Variants in FBXW12 observed in about 807,000 individuals in gnomAD.
FBXW12 encodes F-box/WD repeat-containing protein 12.
In FBXW12, 43 loss-of-function variants were observed where a neutral mutation model predicts 55.3. That is an observed-to-expected ratio of 0.78 (90% CI 0.61 to 1.00). The LOEUF is 1.00. Ranked by LOEUF, FBXW12 falls within the 50% of genes least tolerant of loss-of-function variation. The pLI, the probability that FBXW12 is intolerant of heterozygous loss-of-function variation, is 0.00. For missense variants in FBXW12, 524 were observed against 560.5 expected (o/e 0.93, Z 0.66); for synonymous variants, 184 against 203.8 (o/e 0.90, Z 0.83).
At position 48,378,409 on chromosome 3, in the gene FBXW12, GA is replaced by G. The variant is rs767006036; in HGVS notation, c.505del (p.Thr169LeufsTer36). 20 of 1,613,750 alleles carry G rather than the reference GA, an allele frequency of 1.2e-5. No individual in the cohort carries two copies. The highest frequency in any genetic ancestry group is 1.7e-5 in the Admixed American group (1 of 59,954). On this transcript the variant is annotated frameshift_variant, in exon 6 of 11. Coordinates refer to ENST00000296438, the MANE Select transcript of FBXW12 (RefSeq NM_207102.2). LOFTEE classifies it high-confidence loss of function. ...TGCATCTCGCCATCACTATGGATCG[GA>G]AAAAAACTATCAAAGTGTGGAACTG... ...QMHLAITMDR[K>X]KTIKVWNCQD...
Position 48,375,431 on chromosome 3 carries a change from G to C in FBXW12, c.364G>C (p.Val122Leu). The change falls in exon 5 of 11, where the codon GTA becomes CTA. Residue 122 changes from valine (V) to leucine (L), a missense_variant. Coordinates refer to ENST00000296438, the MANE Select transcript of FBXW12 (RefSeq NM_207102.2). ...DEQEKSIICSVSPKQELCAWD... is the reference protein window; with the variant it reads ...DEQEKSIICSLSPKQELCAWD... ...ACAGGAGAAATCAATCATTTGTAGT[G>C]TATCTCCAAAGCAAGAGCTTTGTGC... 1 of 1,611,904 alleles carries C rather than the reference G, an allele frequency of 6.2e-7. No homozygotes were observed. The highest frequency in any genetic ancestry group is 8.5e-7 in the Non-Finnish European group (1 of 1,179,324).
At chr3:48,383,951 G>GA (rs2036812031) in intron 10 of FBXW12, among the ~76,000 whole-genome samples, 1 of 152,134 alleles carries the variant, frequency 6.6e-6, no homozygotes, top group Non-Finnish European at 1.5e-5. Context: ...ACACTACATT[G>GA]AAAATGTAAC....
Position 48,373,563 on chromosome 3 carries a change from G to T in FBXW12, c.144G>T (p.Gln48His), listed in dbSNP as rs199748593. The change falls in exon 4 of 11, where the codon CAG becomes CAT. Residue 48 changes from glutamine (Q) to histidine (H), a missense_variant. By Grantham distance (24) the Gln-to-His change is conservative (BLOSUM62 0). Coordinates refer to ENST00000296438, the MANE Select transcript of FBXW12 (RefSeq NM_207102.2). ...CTGTTTCCAGGTCACTATCTCTGCA[G>T]AGATGGGACTGCAGCAACTTCACCA... is the stretch of plus-strand genomic sequence containing the variant. ...SDYLWRSLSL[Q>H]RWDCSNFTNQ... is the part of the protein sequence containing the mutation. 191 of 1,613,986 alleles carry T rather than the reference G, an allele frequency of 1.2e-4. No individual in the cohort carries two copies. Among genetic ancestry groups the T allele is most frequent in the Non-Finnish European group, 1.6e-4 (186 of 1,179,976 alleles).
At chr3:48,392,234 C>T (rs756378474) in intron 10 of FBXW12, among the ~76,000 whole-genome samples, 8 of 152,020 alleles carry the variant, frequency 5.3e-5, no homozygotes, top group Non-Finnish European at 8.8e-5. Flanking sequence ...AGGCGGATCA[C>T]GAGGTCAGGA....
At chr3:48,378,695 A>G (rs1214681142) in intron 6 of FBXW12, among the ~76,000 whole-genome samples, 169 bp downstream of exon 6, 1 of 150,158 alleles carries the variant, frequency 6.7e-6, no homozygotes, top group Non-Finnish European at 1.5e-5. Flanking sequence ...GCTCACTGCA[A>G]CCTCTGCCTG....
At chr3:48,383,943 A>G (rs944205697) in intron 10 of FBXW12, among the ~76,000 whole-genome samples, 5 of 152,202 alleles carry the variant, frequency 3.3e-5, no homozygotes, top group African/African-American at 1.2e-4. Flanking sequence ...CAAATAACAC[A>G]CTACATTGAA....
chr3:48,382,099 T>C lies in FBXW12; in HGVS notation c.1295+14T>C. The C allele has an allele frequency of 5.0e-6, 8 of 1,613,052 alleles. No individual in the cohort carries two copies. Among genetic ancestry groups the C allele is most frequent in the Non-Finnish European group, 6.8e-6 (8 of 1,179,920 alleles). On this transcript the variant is annotated intron_variant, in intron 10 of 10. Coordinates refer to ENST00000296438, the MANE Select transcript of FBXW12 (RefSeq NM_207102.2). The stretch of plus-strand genomic sequence containing the variant: ...CACAACAGACAGGTAAGCTCTGTTT[T>C]GTGATGTAAACATCCCCTAAACAAC...
At position 48,373,598 on chromosome 3, in the gene FBXW12, T is replaced by C. The variant is rs1024760761; in HGVS notation, c.179T>C (p.Leu60Pro). 2 of 1,614,120 alleles carry C rather than the reference T, an allele frequency of 1.2e-6. No homozygotes were observed. Among genetic ancestry groups the C allele is most frequent in the Admixed American group, 3.3e-5 (2 of 60,008 alleles). Reference protein sequence around the residue: ...WDCSNFTNQHLGTHTWKQFFL... With the variant: ...WDCSNFTNQHPGTHTWKQFFL... ...TGCAGCAACTTCACCAATCAACACC[T>C]GGGCACACACACATGGAAGCAATTT... Residue 60 changes from leucine to proline, a missense_variant, in exon 4 of 11, where the codon CTG becomes CCG. Coordinates refer to ENST00000296438, the MANE Select transcript of FBXW12 (RefSeq NM_207102.2).
chr3:48,383,614 G>A (rs2036808154), intron 10 of FBXW12, among the ~76,000 whole-genome samples: 1 of 152,142 alleles, frequency 6.6e-6, no homozygotes, highest in African/African-American at 2.4e-5. Context: ...AAATGACTGG[G>A]CTTGGGGGAT....
chr3:48,379,371 T>A, intron 6 of FBXW12, 29 bp from the exon 7 acceptor site: 1 of 1,608,616 alleles, frequency 6.2e-7, no homozygotes, highest in South Asian at 1.1e-5. Context: ...TATCTTCCTA[T>A]TGATATGGTG....
intron 5 of FBXW12, 138 bp from the exon 6 acceptor site, chr3:48,378,178 TG>T: frequency 1.5e-6 from 1 of 650,422 alleles, no homozygotes; most frequent in Non-Finnish European, 2.7e-6. Context: ...AATATTGAGA[TG>T]TGGAGAACTT....
intron 4 of FBXW12, 56 bp downstream of exon 4, chr3:48,373,761 C>A: frequency 6.6e-7 from 1 of 1,509,066 alleles, no homozygotes; most frequent in South Asian, 1.2e-5. Flanking sequence ...GAGGTCCACT[C>A]TATTTGATTT....
chr3:48,393,842 G>A (rs1205598372), intron 10 of FBXW12, among the ~76,000 whole-genome samples: 5 of 149,416 alleles, frequency 3.3e-5, no homozygotes, highest in Middle Eastern at 3.4e-3. Context: ...GCAGTAGCGC[G>A]ATCTCGGCTC....
At chr3:48,374,311 C>T (rs2036650335) in intron 4 of FBXW12, among the ~76,000 whole-genome samples, 1 of 150,998 alleles carries the variant, frequency 6.6e-6, no homozygotes, top group African/African-American at 2.4e-5. Flanking sequence ...TACAGGGGTA[C>T]ACCACCACAA....
chr3:48,372,848 G>T lies in FBXW12; in HGVS notation c.81G>T (p.Gln27His), dbSNP rs1197169305. 1 of 1,614,048 alleles carries T rather than the reference G, an allele frequency of 6.2e-7. No individual in the cohort carries two copies. The highest frequency in any genetic ancestry group is 8.5e-7 in the Non-Finnish European group (1 of 1,180,020). The change falls in exon 2 of 11, where the codon CAG becomes CAT. Residue 27 changes from glutamine (Q) to histidine (H), a missense_variant. Gln to His is a conservative substitution (Grantham distance 24). Transcript: ENST00000296438. ...TGTTCGGCTTGCTGCAGGTTTCCCA[G>T]GTGAACAAGGTAAAGGCCTTCCACC... ...LDLFGLLQVS[Q>H]VNKHWNRIAD...
Position 48,372,676 on chromosome 3 carries a change from T to C in FBXW12, c.-84-8T>C. On this transcript the variant is annotated splice_region_variant and splice_polypyrimidine_tract_variant and intron_variant, in intron 1 of 10. Coordinates refer to ENST00000296438, the MANE Select transcript of FBXW12 (RefSeq NM_207102.2). ...ACACAGATGGGCATGGGTGAAAATC[T>C]TTACAAGTGCTGCAGACTTTGGCAA... 6.2e-7 allele frequency: 1 copy of C among 1,608,052 alleles called. No homozygotes were observed. Among genetic ancestry groups the C allele is most frequent in the South Asian group, 1.1e-5 (1 of 90,598 alleles).
chr3:48,390,489 G>A (rs1359637437), intron 10 of FBXW12, among the ~76,000 whole-genome samples: 6 of 130,140 alleles, frequency 4.6e-5, no homozygotes, highest in African/African-American at 1.5e-4. Context: ...ATCTTGGCTC[G>A]TTACAACCTC....
chr3:48,382,104 T>C lies in FBXW12; in HGVS notation c.1295+19T>C, dbSNP rs1214003422. On this transcript the variant is annotated intron_variant, in intron 10 of 10. Coordinates refer to ENST00000296438, the MANE Select transcript of FBXW12 (RefSeq NM_207102.2). ...CAGACAGGTAAGCTCTGTTTTGTGATGTAAACATCCCCTAAACAACTTTTT... is the reference window on the plus strand; with the variant it reads ...CAGACAGGTAAGCTCTGTTTTGTGACGTAAACATCCCCTAAACAACTTTTT... The C allele has an allele frequency of 1.2e-6, 2 of 1,612,516 alleles. No individual in the cohort carries two copies. Among genetic ancestry groups the C allele is most frequent in the African/African-American group, 1.3e-5 (1 of 74,846 alleles).
At chr3:48,376,353 GA>G (rs2107155106) in intron 5 of FBXW12, among the ~76,000 whole-genome samples, 1 of 152,236 alleles carries the variant, frequency 6.6e-6, no homozygotes, top group East Asian at 1.9e-4. Flanking sequence ...CAATAACATG[GA>G]ATGCATTTAT....
Sources: gnomAD v4.1 joint callset for allele counts (sites outside exome capture counted in the v4.1 genomes callset) on GRCh38, gnomAD v4.1.1 for gene constraint, MANE v1.5 for transcripts, NCBI Gene and HGNC (gene_info 2026-07-23, HGNC 2026-07-21) for gene names.